The following DCC variants were observed in gnomAD, a reference collection of about 807,000 sequenced individuals.
The protein encoded by DCC is netrin receptor DCC.
Under a neutral mutation model 172.5 loss-of-function variants are expected in DCC, and 58 were observed. That is an observed-to-expected ratio of 0.34 (90% CI 0.27 to 0.42). DCC has a LOEUF of 0.42. Ranked by LOEUF, DCC falls within the 10% of genes least tolerant of loss-of-function variation. DCC has a pLI of 1.00. For missense variants in DCC, 1,740 were observed against 1,791.0 expected, an observed-to-expected ratio of 0.97 and a Z score of 0.51; for synonymous variants, 709 against 644.5, an observed-to-expected ratio of 1.10 and a Z score of -1.52.
In DCC at chr18:52,752,165, G is replaced by A. The variant is rs752208238; in HGVS notation, c.203G>A (p.Gly68Glu). 1 of 1,614,166 alleles carries A rather than the reference G, an allele frequency of 6.2e-7. No individual in the cohort carries two copies. Among genetic ancestry groups the A allele is most frequent in the South Asian group, 1.1e-5 (1 of 91,084 alleles). The change falls in exon 2 of 29, where the codon GGA (glycine) becomes GAA (glutamate). Residue 68 changes from glycine to glutamate, a missense_variant. Coordinates refer to ENST00000442544, the MANE Select transcript of DCC (RefSeq NM_005215.4). ...LLDCSAESDR[G>E]VPVIKWKKDG... ...GACTGCTCCGCGGAGTCCGACCGAG[G>A]AGTTCCAGTGATCAAGTGGAAGAAA...
At position 52,354,552 on chromosome 18, in the gene DCC, A is replaced by G. The variant is rs547398585; in HGVS notation, c.91+13674A>G. ...CTGTCAGAGAACGCATTTTTGAATC[A>G]GGTTATCTTTTGGACATGATAGGAT... On this transcript the variant is annotated intron_variant, in intron 1 of 28. Transcript: ENST00000442544. Among the ~76,000 whole-genome samples the G allele has an allele frequency of 2.6e-4, 40 of 152,310 alleles. 1 individual carries two copies. In the Middle Eastern group the frequency reaches 0.01, roughly 39 times the overall value.
chr18:53,500,237 A>G (rs2046080090), intron 27 of DCC, among the ~76,000 whole-genome samples: 1 of 152,116 alleles, frequency 6.6e-6, no homozygotes, highest in Non-Finnish European at 1.5e-5. Context: ...GCAGAGACAG[A>G]AGAAGGAGGA....
chr18:52,899,688 A>T (rs1375837294), intron 2 of DCC, among the ~76,000 whole-genome samples: 5 of 151,570 alleles, frequency 3.3e-5, no homozygotes, highest in African/African-American at 1.2e-4. Flanking sequence ...TAGAGACAGA[A>T]TCTCTCTATC....
chr18:52,423,471 G>A (rs1192414657), intron 1 of DCC, among the ~76,000 whole-genome samples: 3 of 151,742 alleles, frequency 2.0e-5, no homozygotes, highest in Admixed American at 2.0e-4. Context: ...AAGGCCTCTT[G>A]ACTACACAGG....
At chr18:52,677,552 T>C (rs2035667149) in intron 1 of DCC, among the ~76,000 whole-genome samples, 1 of 152,128 alleles carries the variant, frequency 6.6e-6, no homozygotes, top group African/African-American at 2.4e-5. Context: ...AATACATTCA[T>C]CCTGCTCAGT....
intron 5 of DCC, among the ~76,000 whole-genome samples, chr18:52,970,293 G>A (rs2041009200): frequency 6.6e-6 from 1 of 151,880 alleles, no homozygotes; most frequent in Non-Finnish European, 1.5e-5. Flanking sequence ...ATTATAGGTG[G>A]CATAATTAAA....
chr18:53,211,832 G>A (rs1293738295), intron 11 of DCC, among the ~76,000 whole-genome samples: 1 of 152,112 alleles, frequency 6.6e-6, no homozygotes, highest in Non-Finnish European at 1.5e-5. Flanking sequence ...TAGATCACTT[G>A]AGGCCAGAAG....
chr18:53,239,942 G>A (rs1275143730), intron 12 of DCC, among the ~76,000 whole-genome samples: 1 of 148,850 alleles, frequency 6.7e-6, no homozygotes, highest in Non-Finnish European at 1.5e-5. Flanking sequence ...GAGCAACGAA[G>A]GCAATGCTTT....
intron 1 of DCC, among the ~76,000 whole-genome samples, chr18:52,656,536 G>T (rs1289726574): frequency 6.8e-6 from 1 of 146,726 alleles, no homozygotes; most frequent in South Asian, 2.1e-4. Context: ...TGAATAGATT[G>T]CATTCTACTT....
At chr18:53,359,027 A>G (rs1429348909) in intron 15 of DCC, among the ~76,000 whole-genome samples, 3 of 152,188 alleles carry the variant, frequency 2.0e-5, no homozygotes, top group African/African-American at 7.2e-5. Flanking sequence ...AGATAAAGTA[A>G]GATTCATCCT....
At chr18:53,356,386 T>C (rs2057878132) in intron 15 of DCC, among the ~76,000 whole-genome samples, 1 of 152,218 alleles carries the variant, frequency 6.6e-6, no homozygotes, top group South Asian at 2.1e-4. Flanking sequence ...TTTATGTTTT[T>C]ATTTTGTTGG....
chr18:53,193,298 C>G (rs2055393297), intron 9 of DCC, among the ~76,000 whole-genome samples: 1 of 151,908 alleles, frequency 6.6e-6, no homozygotes, highest in Admixed American at 6.6e-5. Flanking sequence ...CTCCCTGCAC[C>G]TTAGGGTCCT....
In DCC at chr18:53,193,089, T is replaced by C. The variant is rs536819842; in HGVS notation, c.1574-12127T>C. ...TTCCTCTCTCTTCTGGACTATGGAATATTCTACCAATTGATATCTCAACAC... is the reference window on the plus strand; with the variant it reads ...TTCCTCTCTCTTCTGGACTATGGAACATTCTACCAATTGATATCTCAACAC... On this transcript the variant is annotated intron_variant, in intron 9 of 28. Coordinates refer to ENST00000442544, the MANE Select transcript of DCC (RefSeq NM_005215.4). 2.6e-5 allele frequency among the ~76,000 whole-genome samples: 4 copies of C among 152,334 alleles called. No homozygotes were observed. The East Asian group carries it at 5.8e-4, about 22-fold the overall frequency.
At chr18:53,390,659 C>T (rs1473504976) in intron 16 of DCC, among the ~76,000 whole-genome samples, 1 of 152,096 alleles carries the variant, frequency 6.6e-6, no homozygotes, top group Non-Finnish European at 1.5e-5. Flanking sequence ...ACTGTGGCCA[C>T]AAAATCAGCT....
chr18:53,394,352 A>G (rs1380106603), intron 17 of DCC, among the ~76,000 whole-genome samples: 2 of 152,208 alleles, frequency 1.3e-5, no homozygotes, highest in African/African-American at 4.8e-5. Flanking sequence ...GCAGGATCTC[A>G]GGTGACCCAA....
intron 5 of DCC, among the ~76,000 whole-genome samples, chr18:52,937,930 T>C (rs558714359): frequency 6.6e-6 from 1 of 152,238 alleles, no homozygotes; most frequent in South Asian, 2.1e-4. Context: ...CTTTGTACAG[T>C]GAGCGAGTGA....
intron 1 of DCC, among the ~76,000 whole-genome samples, chr18:52,421,168 C>T (rs1290197158): frequency 6.6e-6 from 1 of 152,046 alleles, no homozygotes; most frequent in Non-Finnish European, 1.5e-5. Context: ...TTCTTATGAG[C>T]CCCTGTAACT....
chr18:52,839,267 A>ATGTGTGCATGTTCAAGTATGTT (rs2038764584), intron 2 of DCC, among the ~76,000 whole-genome samples: 1 of 152,154 alleles, frequency 6.6e-6, no homozygotes, highest in Non-Finnish European at 1.5e-5. Flanking sequence ...TTGCACGTGT[A>ATGTGTGCATGTTCAAGTATGTT]TGTGTGCATG....
chr18:52,477,516 T>G (rs1989127844), intron 1 of DCC, among the ~76,000 whole-genome samples: 1 of 152,140 alleles, frequency 6.6e-6, no homozygotes, highest in Admixed American at 6.5e-5. Context: ...ATGAAGTGAG[T>G]GTTCTCATGC....
Sources: allele counts gnomAD v4.1 joint callset (sites outside exome capture counted in the v4.1 genomes callset), GRCh38; gene constraint gnomAD v4.1.1; transcripts MANE v1.5; gene names NCBI Gene and HGNC (gene_info 2026-07-23, HGNC 2026-07-21).